Variants in CDH2 observed in about 807,000 individuals in gnomAD.
CDH2 encodes cadherin 2.
A neutral mutation model predicts 92.0 loss-of-function variants in CDH2; 17 were observed. The ratio of observed to expected loss-of-function variants is 0.18; its 90% CI spans 0.13 to 0.28. The LOEUF (loss-of-function observed/expected upper bound fraction) is 0.28, where lower values mean the gene tolerates loss of function less well. Among genes scored for constraint, CDH2 ranks in the 10% least tolerant of loss-of-function variants. The pLI is 1.00. For synonymous variants in CDH2, 419 were observed against 415.9 expected (o/e 1.01, Z -0.09); for missense variants, 862 against 1,133.1 (o/e 0.76, Z 3.44).
chr18:28,122,854 G>T (rs2015614548), intron 2 of CDH2, among the ~76,000 whole-genome samples: 1 of 151,956 alleles, frequency 6.6e-6, no homozygotes, highest in Non-Finnish European at 1.5e-5. Context: ...ATTCTCCAGT[G>T]GGCCTCATAT....
chr18:27,970,180 C>T (rs2011622354), intron 14 of CDH2, among the ~76,000 whole-genome samples: 1 of 152,012 alleles, frequency 6.6e-6, no homozygotes, highest in Non-Finnish European at 1.5e-5. Flanking sequence ...AAATAATTTC[C>T]CGTTGTTTTG....
At chr18:28,063,176 A>G (rs925153749) in intron 2 of CDH2, among the ~76,000 whole-genome samples, 3 of 152,176 alleles carry the variant, frequency 2.0e-5, no homozygotes, top group Non-Finnish European at 4.4e-5. Context: ...GTTGCATTAA[A>G]AACTATTTGG....
chr18:27,934,335 C>A (rs1908971707), intron 6 of CDH2, among the ~76,000 whole-genome samples: 1 of 152,118 alleles, frequency 6.6e-6, no homozygotes, highest in African/African-American at 2.4e-5. Flanking sequence ...ATTCTGAGAG[C>A]AATCTGAGTG....
In CDH2 at chr18:28,147,708, G is replaced by A. The variant is rs780887307; in HGVS notation, c.137C>T (p.Ser46Leu). 7 of 1,610,682 alleles carry A rather than the reference G, an allele frequency of 4.3e-6. No homozygotes were observed. Among genetic ancestry groups the A allele is most frequent in the South Asian group, 1.1e-5 (1 of 90,848 alleles). ...FPEDVYSAVL[S>L]KDVHEGQPLL... ...AGGCTGTCCTTCATGCACATCCTTC[G>A]ATAAGACTGCACTGTAAACATCTTC... The change falls in exon 2 of 16, where the codon TCG becomes TTG. Residue 46 changes from serine (S) to leucine (L), a missense_variant. By Grantham distance (145) the Ser-to-Leu change is moderately radical. Around this residue, in one of 5 missense-constraint regions of CDH2, gnomAD observed 159 missense variants for 177.2 expected, o/e 0.90. Coordinates refer to ENST00000269141, the MANE Select transcript of CDH2 (RefSeq NM_001792.5).
At chr18:27,940,432 C>T (rs996092031) in intron 6 of CDH2, among the ~76,000 whole-genome samples, 13 of 152,194 alleles carry the variant, frequency 8.5e-5, no homozygotes, top group African/African-American at 3.1e-4. Context: ...GATCACTGGC[C>T]AATAAGCTCA....
At chr18:28,007,282 T>C (rs1361907502) in intron 5 of CDH2, among the ~76,000 whole-genome samples, 1 of 151,228 alleles carries the variant, frequency 6.6e-6, no homozygotes, top group South Asian at 2.1e-4. Context: ...TTTTTCTTTT[T>C]AAACAAAAAT....
At chr18:28,085,483 C>A (rs2014909122) in intron 2 of CDH2, among the ~76,000 whole-genome samples, 1 of 152,126 alleles carries the variant, frequency 6.6e-6, no homozygotes, top group Admixed American at 6.6e-5. Context: ...CTGTCCAAGG[C>A]ATCATTCCCA....
Position 28,006,011 on chromosome 18 carries a change from A to G in CDH2, c.703-18T>C, listed in dbSNP as rs2012905738. On this transcript the variant is annotated intron_variant, in intron 5 of 15. Coordinates refer to ENST00000269141, the MANE Select transcript of CDH2 (RefSeq NM_001792.5). The stretch of plus-strand genomic sequence containing the variant: ...GCCCTCAACTGCAAAAGTAATTAGA[A>G]AACAACTATTTAACAGATTTATGTC... 3 of 1,594,090 alleles carry G rather than the reference A, an allele frequency of 1.9e-6. No homozygotes were observed. The South Asian group carries it at 3.3e-5, about 18-fold the overall frequency.
chr18:28,031,674 AG>A (rs1246591484), intron 2 of CDH2, among the ~76,000 whole-genome samples: 2 of 152,118 alleles, frequency 1.3e-5, no homozygotes, highest in Admixed American at 1.3e-4. Flanking sequence ...ATGGACGAGA[AG>A]GAAGAGGAAA....
chr18:27,981,232 CA>C, intron 14 of CDH2, among the ~76,000 whole-genome samples: 1 of 151,700 alleles, frequency 6.6e-6, no homozygotes, highest in East Asian at 1.9e-4. Context: ...CAAAATTACA[CA>C]AAAAATAAAA....
intron 9 of CDH2, among the ~76,000 whole-genome samples, chr18:27,991,226 A>T (rs1210690078): frequency 6.6e-6 from 1 of 152,180 alleles, no homozygotes; most frequent in Non-Finnish European, 1.5e-5. Flanking sequence ...TGCAGTAATA[A>T]CAGGAAAAAC....
intron 2 of CDH2, among the ~76,000 whole-genome samples, chr18:28,062,716 G>A (rs933661204): frequency 2.6e-5 from 4 of 152,196 alleles, no homozygotes; most frequent in Non-Finnish European, 5.9e-5. Flanking sequence ...GCTCATGCCT[G>A]TAATCCCAGC....
At chr18:28,104,488 G>T (rs1020450586) in intron 2 of CDH2, among the ~76,000 whole-genome samples, 2 of 151,720 alleles carry the variant, frequency 1.3e-5, no homozygotes, top group South Asian at 4.2e-4. Flanking sequence ...GTTTTACATA[G>T]AATTCTTATG....
chr18:28,145,167 T>G (rs531150515), intron 2 of CDH2, among the ~76,000 whole-genome samples: 2 of 152,184 alleles, frequency 1.3e-5, no homozygotes, highest in Non-Finnish European at 2.9e-5. Context: ...ATCCTAAGAA[T>G]GTATATTGTA....
rs34313496 is a variant in CDH2, at chr18:27,995,313, CAAAAA to C, written c.1021-1681_1021-1677del. Among the ~76,000 whole-genome samples, 4 of 80,248 alleles carry C rather than the reference CAAAAA, an allele frequency of 5.0e-5. No homozygotes were observed. The South Asian group carries it at 2.1e-3, about 42-fold the overall frequency. 52.6% of individuals were successfully genotyped at this position (80,248 alleles called of 152,430 possible). On this transcript the variant is annotated intron_variant, in intron 7 of 15. Coordinates refer to ENST00000269141, the MANE Select transcript of CDH2 (RefSeq NM_001792.5). The stretch of plus-strand genomic sequence containing the variant: ...TGGGCGACAGAATGAGACTCCATCT[CAAAAA>C]AAAAAAAAAAAAAAAAATGTTAACA...
intron 2 of CDH2, among the ~76,000 whole-genome samples, chr18:28,082,336 C>T (rs1270050236): frequency 6.6e-6 from 1 of 151,978 alleles, no homozygotes; most frequent in Non-Finnish European, 1.5e-5. Context: ...ACTTGAGCCC[C>T]GGAGACTGAG....
intron 1 of CDH2, among the ~76,000 whole-genome samples, chr18:28,167,403 C>T (rs901334309): frequency 6.6e-6 from 1 of 152,048 alleles, no homozygotes; most frequent in African/African-American, 2.4e-5. Context: ...CATTTTAAAC[C>T]AACTTCACCC....
chr18:27,993,036 A>G (rs887665454), intron 8 of CDH2, among the ~76,000 whole-genome samples, 196 bp from the exon 9 acceptor site: 11 of 152,174 alleles, frequency 7.2e-5, no homozygotes, highest in African/African-American at 1.4e-4. Flanking sequence ...CAGTAGTCCA[A>G]TTTTTTTCCA....
intron 1 of CDH2, among the ~76,000 whole-genome samples, chr18:28,171,225 T>TA (rs56171991): frequency 0.19 from 25,130 of 130,328 alleles, 2,501 homozygotes; most frequent in Non-Finnish European, 0.25. Context: ...AGACTGTCTT[T>TA]AAAAAAAAAA....
Sources: allele counts gnomAD v4.1 joint callset (sites outside exome capture counted in the v4.1 genomes callset), GRCh38; gene constraint gnomAD v4.1.1; regional missense constraint gnomAD v4.1.1; transcripts MANE v1.5; gene names NCBI Gene and HGNC (gene_info 2026-07-23, HGNC 2026-07-21).